The following AKAP13 variants were observed in gnomAD, a reference collection of about 807,000 sequenced individuals.
AKAP13 encodes the protein A-kinase anchor protein 13.
Under a neutral mutation model 264.5 loss-of-function variants are expected in AKAP13, and 80 were observed. That is an observed-to-expected ratio of 0.30 (90% CI 0.25 to 0.36). The LOEUF (loss-of-function observed/expected upper bound fraction) is 0.36. AKAP13 is among the 10% of genes least tolerant of loss of function. The probability of loss-of-function intolerance (pLI) is 1.00; values close to 1 mark genes in which losing one functional copy is unlikely to be tolerated. For missense variants in AKAP13, 3,712 were observed against 3,435.2 expected (o/e 1.08, Z -2.01); for synonymous variants, 1,380 against 1,250.2 (o/e 1.10, Z -2.19).
rs2086899981 is a variant in AKAP13 at position 85,715,773 on chromosome 15, GTCC to G, written c.5600-10_5600-8del. 6.2e-7 allele frequency: 1 copy of G among 1,602,552 alleles called. No individual in the cohort carries two copies. The highest frequency in any genetic ancestry group is 1.4e-5 in the African/African-American group (1 of 73,742). On this transcript the variant is annotated splice_polypyrimidine_tract_variant and intron_variant, in intron 19 of 36. Transcript: ENST00000394518. ...CTGGATGGGTGATGCTTCAGTTAGT[GTCC>G]TCCTTTTGCAGCCTCACAGCCCAAG...
At position 85,718,711 on chromosome 15, in the gene AKAP13, G is replaced by A. The variant is rs2087106075; in HGVS notation, c.6002-365G>A. ...GAGCCCAGAGTTCAAGACTAGCCTG[G>A]GAACATAGTGAAACCCCATTTCTAT... On this transcript the variant is annotated intron_variant, in intron 22 of 36. Transcript: ENST00000394518. The surrounding 1 kb of genome is among the most constrained non-coding windows in gnomAD (Gnocchi z 4.9). 3.8e-6 allele frequency: 1 copy of A among 262,680 alleles called. No individual in the cohort carries two copies. The allele number at this position is 262,680 out of a possible 1,614,324, so 16.3% of individuals were successfully genotyped here. A position where few individuals can be genotyped will look rare whatever the true frequency, so the allele number is the denominator to read the frequency against.
Position 85,703,842 on chromosome 15 carries a change from CAA to C in AKAP13, c.5465-4166_5465-4165del, listed in dbSNP as rs58183279. ...TGGGTGACAGAGCAAGACTCCATCT[CAA>C]AAAAAAAAAATATATATATATATAT... On this transcript the variant is annotated intron_variant, in intron 17 of 36. Transcript: ENST00000394518. Among the ~76,000 whole-genome samples the C allele has an allele frequency of 8.4e-4, 116 of 138,036 alleles. No individual in the cohort carries two copies. The Middle Eastern group carries it at 0.011, about 13-fold the overall frequency. 90.6% of individuals were successfully genotyped at this position (138,036 alleles called of 152,430 possible). A position where few individuals can be genotyped will look rare whatever the true frequency, so the allele number is the denominator to read the frequency against.
chr15:85,579,396 A>G lies in AKAP13; in HGVS notation c.1328A>G (p.Asp443Gly), dbSNP rs1416134954. The G allele has an allele frequency of 3.1e-6, 5 of 1,614,154 alleles. No homozygotes were observed. The South Asian group carries it at 4.4e-5, about 14-fold the overall frequency. The change falls in exon 7 of 37, where the codon GAT (aspartate) becomes GGT (glycine). Residue 443 changes from aspartate to glycine, a missense_variant. This residue lies in a region of AKAP13 where 2,759 missense variants were observed against 2,411.7 expected (regional missense o/e 1.14). Coordinates refer to ENST00000394518, the MANE Select transcript of AKAP13 (RefSeq NM_007200.5). ...PTDQESLSSGDAVLQRDLVME... is the reference protein window; with the variant it reads ...PTDQESLSSGGAVLQRDLVME... ...GACCAGGAGTCCCTGAGCAGTGGAG[A>G]TGCTGTGCTTCAGAGAGACTTGGTC...
chr15:85,552,420 G>A (rs546210702), intron 5 of AKAP13, among the ~76,000 whole-genome samples: 23 of 152,268 alleles, frequency 1.5e-4, no homozygotes, highest in African/African-American at 5.1e-4. Flanking sequence ...GGTTATCATT[G>A]TATAATAATC....
At chr15:85,706,877 G>T (rs1235850122) in intron 17 of AKAP13, among the ~76,000 whole-genome samples, 7 of 152,196 alleles carry the variant, frequency 4.6e-5, no homozygotes, top group Non-Finnish European at 2.9e-5. Context: ...GTTACAAAAG[G>T]CATGGAATAG....
intron 1 of AKAP13, among the ~76,000 whole-genome samples, chr15:85,468,943 T>C (rs934562347): frequency 1.0e-5 from 1 of 98,760 alleles, no homozygotes; most frequent in African/African-American, 5.1e-5. Flanking sequence ...AATCAGACTT[T>C]TGCTCTTGTC....
chr15:85,735,591 A>C lies in AKAP13; in HGVS notation c.7473A>C (p.Gln2491His). The C allele has an allele frequency of 6.2e-7, 1 of 1,613,228 alleles. No homozygotes were observed. The highest frequency in any genetic ancestry group is 2.2e-5 in the East Asian group (1 of 44,868). Residue 2491 changes from glutamine (Q) to histidine (H), a missense_variant, in exon 32 of 37, where the codon CAA becomes CAC. By Grantham distance (24) the Gln-to-His change is conservative. Coordinates refer to ENST00000394518, the MANE Select transcript of AKAP13 (RefSeq NM_007200.5). ...GGEKEEGDDG[Q>H]DLRRTESDSG... ...AGAAGGAAGAGGGAGATGATGGCCAAGATCTTAGGAGAACGGAATCAGATA... is the reference window on the plus strand; with the variant it reads ...AGAAGGAAGAGGGAGATGATGGCCACGATCTTAGGAGAACGGAATCAGATA...
At chr15:85,487,650 G>T (rs770782620) in intron 2 of AKAP13, among the ~76,000 whole-genome samples, 4 of 150,436 alleles carry the variant, frequency 2.7e-5, no homozygotes, top group Admixed American at 2.0e-4. Context: ...ACAGCATCGT[G>T]GAACTCCTGG....
chr15:85,610,109 G>T (rs1005762350), intron 8 of AKAP13, among the ~76,000 whole-genome samples: 2 of 152,118 alleles, frequency 1.3e-5, no homozygotes, highest in African/African-American at 4.8e-5. Context: ...AAAGAAATTT[G>T]GCTAATATTC....
intron 6 of AKAP13, among the ~76,000 whole-genome samples, chr15:85,577,058 A>G (rs1176859799): frequency 6.6e-6 from 1 of 152,218 alleles, no homozygotes; most frequent in Non-Finnish European, 1.5e-5. Context: ...AGGACTGGAA[A>G]TAAGCTAATT....
In AKAP13 at chr15:85,727,555, C is replaced by T. The variant is rs1184247376; in HGVS notation, c.7087+92C>T. The T allele has an allele frequency of 6.9e-7, 1 of 1,444,164 alleles. No homozygotes were observed. Among genetic ancestry groups the T allele is most frequent in the African/African-American group, 1.4e-5 (1 of 70,120 alleles). The allele number at this position is 1,444,164 out of a possible 1,614,324, so 89.5% of individuals were successfully genotyped here. ...GATTTTAGAGGTACGGGTTTGCCCT[C>T]AGTTCTAAAGCTGCCCCAGCAGGCA... On this transcript the variant is annotated intron_variant, in intron 29 of 36. Transcript: ENST00000394518. This position sits in a 1 kb window ranked among gnomAD's most constrained non-coding sequence, Gnocchi z 5.3.
At position 85,656,586 on chromosome 15, in the gene AKAP13, A is replaced by G. The variant is rs2083105767; in HGVS notation, c.4745+799A>G. On this transcript the variant is annotated intron_variant, in intron 11 of 36. Transcript: ENST00000394518. ...CTCAGTCTCCCAAGTAGCTGGGACT[A>G]CAGGCGCCCGCCACCACGCCTGGCT... is the stretch of plus-strand genomic sequence containing the variant. Among the ~76,000 whole-genome samples, 3 of 152,138 alleles carry G rather than the reference A, an allele frequency of 2.0e-5. No individual in the cohort carries two copies. In the South Asian group the frequency reaches 6.2e-4, roughly 32 times the overall value.
intron 35 of AKAP13, among the ~76,000 whole-genome samples, chr15:85,743,077 C>T (rs190168511): frequency 2.0e-4 from 31 of 152,236 alleles, no homozygotes; most frequent in African/African-American, 7.2e-4. Flanking sequence ...TTCCACTTAT[C>T]CTCTAACCGG....
chr15:85,592,708 C>G (rs1290506805), intron 8 of AKAP13, among the ~76,000 whole-genome samples: 1 of 152,126 alleles, frequency 6.6e-6, no homozygotes, highest in Non-Finnish European at 1.5e-5. Flanking sequence ...TTTTTGGAGA[C>G]TCTCTGTATC....
chr15:85,719,348 G>T (rs753729679), intron 23 of AKAP13, 22 bp downstream of exon 23: 1 of 1,612,844 alleles, frequency 6.2e-7, no homozygotes, highest in East Asian at 2.2e-5. Flanking sequence ...AAGGATCTCA[G>T]GTTCTTACAT....
chr15:85,674,801 G>C (rs1294666664), intron 14 of AKAP13, among the ~76,000 whole-genome samples: 6 of 151,774 alleles, frequency 4.0e-5, no homozygotes, highest in Non-Finnish European at 8.8e-5. Flanking sequence ...CTCTAACTAT[G>C]ATGGGAATTT....
intron 27 of AKAP13, among the ~76,000 whole-genome samples, chr15:85,726,748 A>C (rs2087639069): frequency 6.6e-6 from 1 of 152,206 alleles, no homozygotes; most frequent in South Asian, 2.1e-4. Context: ...TCACTGGAGC[A>C]TTTCTCACAT....
In AKAP13 at chr15:85,645,905, A is replaced by T. The variant is rs750869364; in HGVS notation, c.4325A>T (p.Asp1442Val). 16 of 1,613,346 alleles carry T rather than the reference A, an allele frequency of 9.9e-6. No individual in the cohort carries two copies. Among genetic ancestry groups the T allele is most frequent in the Non-Finnish European group, 1.4e-5 (16 of 1,179,894 alleles). Residue 1442 changes from aspartate to valine, a missense_variant, in exon 10 of 37, where the codon GAC (aspartate) becomes GTC (valine). Coordinates refer to ENST00000394518, the MANE Select transcript of AKAP13 (RefSeq NM_007200.5). ...VLKRESGSDS[D>V]LFHSPSDDMD... is the part of the protein sequence containing the mutation. ...AAAAGAGAATCTGGGAGTGATTCTG[A>T]CCTCTTTCACTCACCCAGTGATGAC...
At chr15:85,565,929 T>C (rs189624096) in intron 5 of AKAP13, among the ~76,000 whole-genome samples, 1 of 152,330 alleles carries the variant, frequency 6.6e-6, no homozygotes, top group Admixed American at 6.5e-5. Flanking sequence ...GTCTCTCAGG[T>C]TCCTTGCAGC....
Sources: allele counts gnomAD v4.1 joint callset (sites outside exome capture counted in the v4.1 genomes callset), GRCh38; gene constraint gnomAD v4.1.1; regional missense constraint gnomAD v4.1.1; non-coding constraint Gnocchi (gnomAD v3.1); transcripts MANE v1.5; gene names NCBI Gene and HGNC (gene_info 2026-07-23, HGNC 2026-07-21).